SLC25A48: variants seen among roughly 807,000 people sequenced by gnomAD.
SLC25A48 encodes the protein solute carrier family 25 member 48.
Under a neutral mutation model 32.2 loss-of-function variants are expected in SLC25A48, and 29 were observed. That is an observed-to-expected ratio of 0.90 (90% CI 0.67 to 1.23). SLC25A48 has a LOEUF of 1.23. Ranked by LOEUF, SLC25A48 falls within the 50% of genes most tolerant of loss-of-function variation. The pLI is 0.00. For missense variants in SLC25A48, 399 were observed against 422.7 expected (o/e 0.94, Z 0.49); for synonymous variants, 164 against 172.3 (o/e 0.95, Z 0.38).
chr5:135,884,656 G>A (rs566974048), intron 7 of SLC25A48, among the ~76,000 whole-genome samples: 1 of 152,280 alleles, frequency 6.6e-6, no homozygotes, highest in South Asian at 2.1e-4. Flanking sequence ...GTGAAGAGAT[G>A]CTTCTGGCAC....
intron 2 of SLC25A48, 118 bp from the exon 3 acceptor site, chr5:135,850,307 C>A: frequency 2.0e-6 from 2 of 1,008,038 alleles, no homozygotes; most frequent in Non-Finnish European, 3.1e-6. Context: ...AGGACTGAAA[C>A]CCAGACCCTT....
chr5:135,856,114 CCTTGAGGTA>C (rs1339482172), intron 4 of SLC25A48, among the ~76,000 whole-genome samples: 4 of 152,144 alleles, frequency 2.6e-5, no homozygotes, highest in Admixed American at 2.6e-4. Flanking sequence ...TATTTCAGTA[CCTTGAGGTA>C]CTTTGATTCT....
chr5:135,688,259 G>A (rs900407618), intron 3 of SLC25A48, among the ~76,000 whole-genome samples: 13 of 151,750 alleles, frequency 8.6e-5, no homozygotes, highest in African/African-American at 2.9e-4. Flanking sequence ...ATCACATTTT[G>A]CTTATCCATT....
chr5:135,588,034 G>A (rs1385841620), intron 1 of SLC25A48, among the ~76,000 whole-genome samples: 2 of 152,224 alleles, frequency 1.3e-5, no homozygotes, highest in African/African-American at 4.8e-5. Flanking sequence ...GCGGAGGCCC[G>A]AATTCAAGAG....
chr5:135,841,117 G>A (rs375050880), intron 1 of SLC25A48, among the ~76,000 whole-genome samples: 5 of 152,132 alleles, frequency 3.3e-5, no homozygotes, highest in African/African-American at 7.2e-5. Flanking sequence ...ATCCTAGTGC[G>A]TGTGAAGACG....
intron 1 of SLC25A48, among the ~76,000 whole-genome samples, chr5:135,599,557 A>G (rs1225632186): frequency 6.6e-6 from 1 of 152,334 alleles, no homozygotes; most frequent in East Asian, 1.9e-4. Context: ...AACAACTGGA[A>G]GCAGGAGTGG....
intron 3 of SLC25A48, among the ~76,000 whole-genome samples, chr5:135,641,293 A>G (rs917474689): frequency 2.0e-5 from 3 of 152,202 alleles, no homozygotes; most frequent in Non-Finnish European, 2.9e-5. Context: ...GATATTTGTG[A>G]CCTTTGGATG....
chr5:135,667,496 A>C (rs1228002156), intron 3 of SLC25A48, among the ~76,000 whole-genome samples: 1 of 152,166 alleles, frequency 6.6e-6, no homozygotes, highest in Non-Finnish European at 1.5e-5. Context: ...TGCGTCCACC[A>C]ATAATAATCC....
rs577942734 is a variant in SLC25A48 at position 135,584,096 on chromosome 5, G to A, written c.-849+4499G>A. Among the ~76,000 whole-genome samples the A allele has an allele frequency of 2.0e-5, 3 of 152,336 alleles. No homozygotes were observed. In the East Asian group the frequency reaches 5.8e-4, roughly 29 times the overall value. ...ATTGAATTAGGCTTAAAGCAGCCCC[G>A]AGGCAGAGTGTATGTAGGGGGGCTC... On this transcript the variant is annotated intron_variant, in intron 1 of 10. Coordinates refer to the SLC25A48 transcript ENST00000646290.
At chr5:135,664,945 T>G (rs1753486559) in intron 3 of SLC25A48, among the ~76,000 whole-genome samples, 2 of 152,196 alleles carry the variant, frequency 1.3e-5, no homozygotes, top group South Asian at 2.1e-4. Context: ...TACCCAGCAG[T>G]GGGATTGCTG....
At chr5:135,619,661 T>G (rs1256143922) in intron 1 of SLC25A48, among the ~76,000 whole-genome samples, 2 of 152,224 alleles carry the variant, frequency 1.3e-5, no homozygotes. Context: ...GACAACTGTT[T>G]CCTGAAGATG....
At chr5:135,747,805 T>C (rs4496704) in intron 3 of SLC25A48, among the ~76,000 whole-genome samples, 69,851 of 152,164 alleles carry the variant, frequency 0.46, 16,903 homozygotes, top group Non-Finnish European at 0.54. Context: ...CTACCATCTT[T>C]GTGCTTTCGT....
chr5:135,600,739 G>A (rs576005277), intron 1 of SLC25A48, among the ~76,000 whole-genome samples: 1 of 151,956 alleles, frequency 6.6e-6, no homozygotes, highest in South Asian at 2.1e-4. Context: ...CTGGAGTGCA[G>A]TGGTGCAATC....
At chr5:135,796,754 C>A (rs1757191452) in intron 3 of SLC25A48, among the ~76,000 whole-genome samples, 1 of 151,362 alleles carries the variant, frequency 6.6e-6, no homozygotes, top group Non-Finnish European at 1.5e-5. Context: ...GGGTGTGTAA[C>A]CACCCACTTG....
In SLC25A48 at chr5:135,883,289, T is replaced by C. The variant is rs561661789; in HGVS notation, c.*7+3192T>C. The C allele has an allele frequency of 1.7e-5, 17 of 985,472 alleles. No homozygotes were observed. In the African/African-American group the frequency reaches 2.8e-4, roughly 16 times the overall value. The allele number at this position is 985,472 out of a possible 1,614,324, so 61.0% of individuals were successfully genotyped here. ...GACCATTGGTCAACTGATCACCAAC[T>C]ATTCCAGCTTTGGACCTGCACCTGG... On this transcript the variant is annotated intron_variant, in intron 7 of 7. Coordinates refer to ENST00000681962, the MANE Select transcript of SLC25A48 (RefSeq NM_001349336.2).
intron 3 of SLC25A48, among the ~76,000 whole-genome samples, chr5:135,737,010 C>A (rs778002557): frequency 6.6e-6 from 1 of 152,186 alleles, no homozygotes; most frequent in Non-Finnish European, 1.5e-5. Context: ...AGGTGGATCT[C>A]TCTCATGGAG....
chr5:135,688,879 C>CAAATAATAATAATA (rs1482695369), intron 3 of SLC25A48, among the ~76,000 whole-genome samples: 3 of 152,206 alleles, frequency 2.0e-5, no homozygotes, highest in Non-Finnish European at 4.4e-5. Context: ...CATGTCCAAC[C>CAAATAATAATAATA]ATATAATCAA....
chr5:135,727,144 T>C (rs1755108200), intron 3 of SLC25A48, among the ~76,000 whole-genome samples: 1 of 151,734 alleles, frequency 6.6e-6, no homozygotes, highest in Non-Finnish European at 1.5e-5. Context: ...ATTTTTAAAT[T>C]GAATTTTTTT....
chr5:135,852,522 C>T, intron 3 of SLC25A48, 41 bp from the exon 4 acceptor site: 2 of 1,558,568 alleles, frequency 1.3e-6, no homozygotes, highest in South Asian at 1.2e-5. Flanking sequence ...GCGACGGCAG[C>T]CCGGGGTCCT....
Sources: allele counts gnomAD v4.1 joint callset (sites outside exome capture counted in the v4.1 genomes callset), GRCh38; gene constraint gnomAD v4.1.1; transcripts MANE v1.5; gene names NCBI Gene and HGNC (gene_info 2026-07-23, HGNC 2026-07-21).